The following RIT1 variants were observed in gnomAD, a reference collection of about 807,000 sequenced individuals.
The protein encoded by RIT1 is GTP-binding protein Rit1.
In RIT1, 6 loss-of-function variants were observed where a neutral mutation model predicts 25.6. The observed-to-expected ratio is 0.23, with a 90% CI of 0.13 to 0.46. The LOEUF is 0.46. Ranked by LOEUF, RIT1 falls within the 20% of genes least tolerant of loss-of-function variation. The pLI, the probability that RIT1 is intolerant of heterozygous loss-of-function variation, is 0.99. For missense variants in RIT1, 219 were observed against 284.4 expected, an observed-to-expected ratio of 0.77 and a Z score of 1.65; for synonymous variants, 81 against 94.1, an observed-to-expected ratio of 0.86 and a Z score of 0.80.
rs1243066680 is a variant in RIT1, at chr1:155,898,407, C to T, written c.*1981G>A. ...GCTTGGGCCAGGTGGTGGCTCATGC[C>T]TGTAATCCCAGCATATTGGGAGGAT... On this transcript the variant is annotated 3_prime_UTR_variant, in exon 6 of 6. Transcript: ENST00000368323. 6.8e-6 allele frequency: 1 copy of T among 146,664 alleles called. No homozygotes were observed. The highest frequency in any genetic ancestry group is 1.5e-5 in the Non-Finnish European group (1 of 67,402). 9.1% of individuals were successfully genotyped at this position (146,664 alleles called of 1,614,324 possible).
chr1:155,904,536 C>A, intron 4 of RIT1, 34 bp from the exon 5 acceptor site: 2 of 1,560,794 alleles, frequency 1.3e-6, no homozygotes, highest in African/African-American at 1.4e-5. Flanking sequence ...TGTATTGACG[C>A]AATCTAGCCC....
At chr1:155,900,787 A>C (rs1673297365) in intron 5 of RIT1, among the ~76,000 whole-genome samples, 169 bp from the exon 6 acceptor site, 1 of 152,162 alleles carries the variant, frequency 6.6e-6, no homozygotes, top group Non-Finnish European at 1.5e-5. Flanking sequence ...AAGGTTTCTT[A>C]TTCTGCCTTC....
chr1:155,898,764 G>A lies in RIT1; in HGVS notation c.*1624C>T, dbSNP rs889099152. On this transcript the variant is annotated 3_prime_UTR_variant, in exon 6 of 6. Transcript: ENST00000368323. ...AGGTCTTTCACTTTTGGATGGCTGAGTACCATAAAACATGATTTATTTGGT... is the reference window on the plus strand; with the variant it reads ...AGGTCTTTCACTTTTGGATGGCTGAATACCATAAAACATGATTTATTTGGT... 5.2e-6 allele frequency: 1 copy of A among 191,830 alleles called. No individual in the cohort carries two copies. Among genetic ancestry groups the A allele is most frequent in the Non-Finnish European group, 1.1e-5 (1 of 91,746 alleles). The allele number at this position is 191,830 out of a possible 1,614,324, so 11.9% of individuals were successfully genotyped here. A position where few individuals can be genotyped will look rare whatever the true frequency, so the allele number is the denominator to read the frequency against.
rs1673227821 is a variant in RIT1, at chr1:155,898,362, C to G, written c.*2026G>C. 6.6e-6 allele frequency: 1 copy of G among 151,290 alleles called. No individual in the cohort carries two copies. Among genetic ancestry groups the G allele is most frequent in the South Asian group, 2.1e-4 (1 of 4,804 alleles). 9.4% of individuals were successfully genotyped at this position (151,290 alleles called of 1,614,324 possible). ...TCTACTGCCTGACTACCTTAAATAA[C>G]TATATAGTGTCAATTTCTTGCTTGG... On this transcript the variant is annotated 3_prime_UTR_variant, in exon 6 of 6. Coordinates refer to ENST00000368323, the MANE Select transcript of RIT1 (RefSeq NM_006912.6).
chr1:155,906,816 A>G (rs1673452560), intron 3 of RIT1, among the ~76,000 whole-genome samples: 2 of 151,720 alleles, frequency 1.3e-5, no homozygotes. Context: ...AGAAAATACC[A>G]GAGTGGGTGA....
At chr1:155,909,681 C>T (rs1168217806) in intron 3 of RIT1, among the ~76,000 whole-genome samples, 3 of 151,886 alleles carry the variant, frequency 2.0e-5, no homozygotes, top group Non-Finnish European at 2.9e-5. Context: ...CAGTACTTTT[C>T]GAGGCTGAGG....
At chr1:155,910,900 G>A (rs1393505292) in intron 1 of RIT1, 96 bp from the exon 2 acceptor site, 11 of 1,561,866 alleles carry the variant, frequency 7.0e-6, no homozygotes, top group Non-Finnish European at 8.7e-6. Flanking sequence ...ATTCTGGCCT[G>A]TCCCTCTTAC....
At chr1:155,904,534 C>G in intron 4 of RIT1, 32 bp from the exon 5 acceptor site, 2 of 1,574,528 alleles carry the variant, frequency 1.3e-6, no homozygotes, top group African/African-American at 1.3e-5. Context: ...TATGTATTGA[C>G]GCAATCTAGC....
chr1:155,904,492 G>A lies in RIT1; in HGVS notation c.248C>T (p.Thr83Ile), dbSNP rs1158274988. 6.2e-7 allele frequency: 1 copy of A among 1,612,498 alleles called. No individual in the cohort carries two copies. The highest frequency in any genetic ancestry group is 1.3e-5 in the African/African-American group (1 of 75,018). Reference sequence around the variant, plus strand: ...CCTCATATACTGGTCCCGCATGGCTGTAAACTCTGCCTAGAGGGAAACAAG... The same window carrying A: ...CCTCATATACTGGTCCCGCATGGCTATAAACTCTGCCTAGAGGGAAACAAG... Reference protein sequence around the residue: ...ILDTAGQAEFTAMRDQYMRAG... With the variant: ...ILDTAGQAEFIAMRDQYMRAG... The change falls in exon 5 of 6, where the codon ACA becomes ATA. Residue 83 changes from threonine (T) to isoleucine (I), a missense_variant. Coordinates refer to ENST00000368323, the MANE Select transcript of RIT1 (RefSeq NM_006912.6).
Position 155,898,661 on chromosome 1 carries a change from T to C in RIT1, c.*1727A>G. 1 of 187,832 alleles carries C rather than the reference T, an allele frequency of 5.3e-6. No homozygotes were observed. Among genetic ancestry groups the C allele is most frequent in the Non-Finnish European group, 1.1e-5 (1 of 89,090 alleles). The allele number at this position is 187,832 out of a possible 1,614,324, so 11.6% of individuals were successfully genotyped here. A position where few individuals can be genotyped will look rare whatever the true frequency, so the allele number is the denominator to read the frequency against. On this transcript the variant is annotated 3_prime_UTR_variant, in exon 6 of 6. Coordinates refer to ENST00000368323, the MANE Select transcript of RIT1 (RefSeq NM_006912.6). ...ACATTCTCATAATAGAATTGCACTG[T>C]ATTTCTTTTCTACTTTGATGCTTTT...
At position 155,910,628 on chromosome 1, in the gene RIT1, T is replaced by G. The variant is rs780210314; in HGVS notation, c.106+28A>C. ...TCATTTAAGTACTTTTCATCCATGC[T>G]TCCTGTCAAATGGAAAATGTTACCT... On this transcript the variant is annotated intron_variant, in intron 2 of 5. Coordinates refer to ENST00000368323, the MANE Select transcript of RIT1 (RefSeq NM_006912.6). 1.1e-5 allele frequency: 17 copies of G among 1,611,730 alleles called. No homozygotes were observed. In the South Asian group the frequency reaches 1.6e-4, roughly 16 times the overall value.
chr1:155,902,246 T>C (rs1021283512), intron 5 of RIT1, among the ~76,000 whole-genome samples: 2 of 151,920 alleles, frequency 1.3e-5, no homozygotes, highest in African/African-American at 4.8e-5. Context: ...ACTGGATGCA[T>C]ATTCCTAACT....
Position 155,899,459 on chromosome 1 carries a change from T to C in RIT1, c.*929A>G, listed in dbSNP as rs1352178273. ...TCAGTGATGAAGGGCCGAAAAAACATCTTGCCAGCTGTAGCTCTTTTACAG... is the reference window on the plus strand; with the variant it reads ...TCAGTGATGAAGGGCCGAAAAAACACCTTGCCAGCTGTAGCTCTTTTACAG... On this transcript the variant is annotated 3_prime_UTR_variant, in exon 6 of 6. Transcript: ENST00000368323. The C allele has an allele frequency of 4.4e-6, 1 of 225,200 alleles. No individual in the cohort carries two copies. The highest frequency in any genetic ancestry group is 8.9e-6 in the Non-Finnish European group (1 of 112,788). 14.0% of individuals were successfully genotyped at this position (225,200 alleles called of 1,614,324 possible). A position where few individuals can be genotyped will look rare whatever the true frequency, so the allele number is the denominator to read the frequency against.
intron 1 of RIT1, 164 bp from the exon 2 acceptor site, chr1:155,910,968 C>CT: frequency 7.2e-7 from 1 of 1,389,258 alleles, no homozygotes; most frequent in Non-Finnish European, 9.7e-7. Context: ...AAGAAACCCC[C>CT]CCATCTTCAC....
intron 3 of RIT1, among the ~76,000 whole-genome samples, chr1:155,906,217 G>A (rs1467328761): frequency 6.6e-6 from 1 of 151,570 alleles, no homozygotes; most frequent in Non-Finnish European, 1.5e-5. Context: ...TAGTAACCTT[G>A]GAAAATATAG....
chr1:155,904,917 T>C (rs1673404574), intron 3 of RIT1, 113 bp from the exon 4 acceptor site: 1 of 702,688 alleles, frequency 1.4e-6, no homozygotes, highest in Non-Finnish European at 2.5e-6. Flanking sequence ...AATGCCCACA[T>C]TTTCTCAGGA....
In RIT1 at chr1:155,904,364, C is replaced by A; in HGVS notation, c.376G>T (p.Asp126Tyr). The change falls in exon 5 of 6, where the codon GAT (aspartate) becomes TAT (tyrosine). Residue 126 changes from aspartate to tyrosine, a missense_variant. Physicochemically the swap from Asp to Tyr is radical, Grantham distance 160. Transcript: ENST00000368323. Reference sequence around the variant, plus strand: ...TTTCCCACAAGAACCACAGGTGTATCGTCAGTACGTCGGACTCGATAAATA... The same window carrying A: ...TTTCCCACAAGAACCACAGGTGTATAGTCAGTACGTCGGACTCGATAAATA... Reference protein sequence around the residue: ...QLIYRVRRTDDTPVVLVGNKS... With the variant: ...QLIYRVRRTDYTPVVLVGNKS... 6.2e-7 allele frequency: 1 copy of A among 1,614,108 alleles called. No individual in the cohort carries two copies.
chr1:155,906,535 T>TG (rs762192477), intron 3 of RIT1, among the ~76,000 whole-genome samples: 7 of 150,166 alleles, frequency 4.7e-5, no homozygotes, highest in Non-Finnish European at 8.9e-5. Flanking sequence ...CTGAGGCGGG[T>TG]GGATCACCTG....
intron 1 of RIT1, 176 bp from the exon 2 acceptor site, chr1:155,910,980 C>T: frequency 7.0e-7 from 1 of 1,424,918 alleles, no homozygotes; most frequent in Admixed American, 2.0e-5. Context: ...CATCTTCACC[C>T]TCCCTCCTAG....
Sources: gnomAD v4.1 joint callset for allele counts (sites outside exome capture counted in the v4.1 genomes callset) on GRCh38, gnomAD v4.1.1 for gene constraint, MANE v1.5 for transcripts, NCBI Gene and HGNC (gene_info 2026-07-23, HGNC 2026-07-21) for gene names.